Variants in RAB3IL1 observed in about 807,000 individuals in gnomAD.
The protein encoded by RAB3IL1 is guanine nucleotide exchange factor for Rab-3A.
A neutral mutation model predicts 49.2 loss-of-function variants in RAB3IL1; 37 were observed. That is an observed-to-expected ratio of 0.75 (90% CI 0.58 to 0.99). RAB3IL1 has a LOEUF of 0.99. Among genes scored for constraint, RAB3IL1 ranks in the 50% least tolerant of loss-of-function variants. RAB3IL1 has a pLI of 0.00. For missense variants in RAB3IL1, 484 were observed against 513.0 expected (o/e 0.94, Z 0.55); for synonymous variants, 193 against 213.9 (o/e 0.90, Z 0.85).
chr11:61,920,345 C>T (rs1194223915), upstream of RAB3IL1: 4 of 1,010,202 alleles, frequency 4.0e-6, no homozygotes, highest in Non-Finnish European at 1.3e-6. Context: ...CCAGGACAGC[C>T]GCTATCTCCT....
At chr11:61,941,772 G>A in the RAB3IL1 span, among the ~76,000 whole-genome samples, 4 of 151,668 alleles carry the variant, frequency 2.6e-5, no homozygotes, top group East Asian at 3.9e-4. Context: ...AGGAATATAC[G>A]GACCAATATC....
Position 61,898,935 on chromosome 11 carries a change from T to TGG in RAB3IL1, c.1066+377_1066+378dup. 5.6e-6 allele frequency: 2 copies of TGG among 356,760 alleles called. No homozygotes were observed. Among genetic ancestry groups the TGG allele is most frequent in the Admixed American group, 6.6e-5 (2 of 30,142 alleles). The allele number at this position is 356,760 out of a possible 1,614,324, so 22.1% of individuals were successfully genotyped here. A position where few individuals can be genotyped will look rare whatever the true frequency, so the allele number is the denominator to read the frequency against. ...GAGCCAGGCCTTGCAGAATGGGCTGTGGGGGGAGGGGGTGGAGGGAGGCCC... is the reference window on the plus strand; with the variant it reads ...GAGCCAGGCCTTGCAGAATGGGCTGTGGGGGGGGAGGGGGTGGAGGGAGGCCC... On this transcript the variant is annotated intron_variant, in intron 9 of 9. Transcript: ENST00000394836. The surrounding 1 kb of genome is among the most constrained non-coding windows in gnomAD (Gnocchi z 5.1).
rs1939756118 is a variant in RAB3IL1, at chr11:61,917,523, T to C, written c.-156A>G. The C allele has an allele frequency of 8.9e-7, 1 of 1,119,246 alleles. No homozygotes were observed. Among genetic ancestry groups the C allele is most frequent in the East Asian group, 5.1e-5 (1 of 19,472 alleles). The allele number at this position is 1,119,246 out of a possible 1,614,324, so 69.3% of individuals were successfully genotyped here. On this transcript the variant is annotated 5_prime_UTR_variant, in exon 1 of 10. Coordinates refer to ENST00000394836, the MANE Select transcript of RAB3IL1 (RefSeq NM_013401.4). ...GTCAGTAGGTCTCAGACGCCTGGGC[T>C]CGCGGCCCCCAGCCCAGCCCCGACC...
upstream of RAB3IL1, chr11:61,920,040 C>T (rs892444862): frequency 1.6e-6 from 2 of 1,258,574 alleles, no homozygotes; most frequent in Admixed American, 3.8e-5. Flanking sequence ...CCTGAGCTCA[C>T]CTGTCTGTGC....
chr11:61,920,325 G>T (rs1350531557), upstream of RAB3IL1: 15 of 1,147,490 alleles, frequency 1.3e-5, no homozygotes, highest in Non-Finnish European at 1.6e-5. Flanking sequence ...TGGGAGGGAG[G>T]CACCACCTCC....
Position 61,908,137 on chromosome 11 carries a change from C to G in RAB3IL1, c.181G>C (p.Val61Leu). 1 of 1,597,538 alleles carries G rather than the reference C, an allele frequency of 6.3e-7. No homozygotes were observed. Residue 61 changes from valine (V) to leucine (L), a missense_variant, in exon 2 of 10, where the codon GTG (valine) becomes CTG (leucine). By Grantham distance (32) the Val-to-Leu change is conservative. Coordinates refer to ENST00000394836, the MANE Select transcript of RAB3IL1 (RefSeq NM_013401.4). Reference protein sequence around the residue: ...QEGPAAAQLDVLRLRSSSMEI... With the variant: ...QEGPAAAQLDLLRLRSSSMEI... The stretch of plus-strand genomic sequence containing the variant: ...ATGGAAGAGCTGCGCAGGCGCAACA[C>G]GTCCAGCTGGGCGGCTGCGGGGCCC...
Position 61,906,526 on chromosome 11 carries a change from G to C in RAB3IL1, c.597C>G (p.Leu199=). ...HSRHKSTSST[L]CPAVCPAAGH... ...CCGCAGCGGGACACACGGCGGGGCA[G>C]AGGGTGCTGCTGGTGCTCTTGTGGC... The change falls in exon 5 of 10, where the codon CTC becomes CTG. Residue 199 remains leucine (L), a synonymous_variant. Transcript: ENST00000394836. This position sits in a 1 kb window ranked among gnomAD's most constrained non-coding sequence, Gnocchi z 4.6. 6.4e-7 allele frequency: 1 copy of C among 1,561,478 alleles called. No individual in the cohort carries two copies. The highest frequency in any genetic ancestry group is 8.7e-7 in the Non-Finnish European group (1 of 1,154,108).
chr11:61,928,112 C>T, the RAB3IL1 span, among the ~76,000 whole-genome samples: 1 of 151,602 alleles, frequency 6.6e-6, no homozygotes, highest in East Asian at 1.9e-4. Context: ...AGAATTTCTG[C>T]TCCTTAGGGA....
At chr11:61,911,809 T>C (rs765067063) in intron 1 of RAB3IL1, among the ~76,000 whole-genome samples, 3 of 152,008 alleles carry the variant, frequency 2.0e-5, no homozygotes, top group Non-Finnish European at 2.9e-5. Context: ...CCCAGGCAGT[T>C]CATACAGGAA....
At chr11:61,922,603 C>T (rs1021082174), upstream of RAB3IL1, among the ~76,000 whole-genome samples, 3 of 126,238 alleles carry the variant, frequency 2.4e-5, no homozygotes, top group African/African-American at 8.0e-5. Context: ...TTCCTTCCTT[C>T]AGTGTTTCCT....
the RAB3IL1 span, among the ~76,000 whole-genome samples, chr11:61,931,848 G>A: frequency 6.6e-6 from 1 of 152,324 alleles, no homozygotes; most frequent in East Asian, 1.9e-4. Context: ...GGAAGACACA[G>A]TTGAGGGAAT....
chr11:61,912,818 C>T (rs1323292139), intron 1 of RAB3IL1, among the ~76,000 whole-genome samples: 3 of 151,740 alleles, frequency 2.0e-5, no homozygotes, highest in Non-Finnish European at 4.4e-5. Flanking sequence ...GAATGCTGTA[C>T]AGCCAGGCAG....
chr11:61,907,996 G>A, intron 2 of RAB3IL1, 58 bp downstream of exon 2: 1 of 1,550,926 alleles, frequency 6.4e-7, no homozygotes, highest in Non-Finnish European at 8.7e-7. Context: ...AGAGCCCACA[G>A]CTCTCCCAAC....
the RAB3IL1 span, among the ~76,000 whole-genome samples, chr11:61,939,737 G>C: frequency 6.6e-6 from 1 of 152,018 alleles, no homozygotes; most frequent in African/African-American, 2.4e-5. Flanking sequence ...AATTGTTTGA[G>C]CTCAGGAGTT....
At chr11:61,940,737 T>C in the RAB3IL1 span, among the ~76,000 whole-genome samples, 1 of 151,790 alleles carries the variant, frequency 6.6e-6, no homozygotes, top group African/African-American at 2.4e-5. Context: ...CTGGGCAACA[T>C]GGTGAATCCT....
the RAB3IL1 span, among the ~76,000 whole-genome samples, chr11:61,935,267 A>C: frequency 6.6e-6 from 1 of 151,828 alleles, no homozygotes; most frequent in Non-Finnish European, 1.5e-5. Flanking sequence ...TAAAAATACA[A>C]AAATTAGCTG....
At chr11:61,934,319 T>TACACACACACACACACAC in the RAB3IL1 span, among the ~76,000 whole-genome samples, 24 of 126,560 alleles carry the variant, frequency 1.9e-4, no homozygotes, top group African/African-American at 6.1e-4. Context: ...TGAGTAAATA[T>TACACACACACACACACAC]ACACACACAC....
intron 1 of RAB3IL1, among the ~76,000 whole-genome samples, chr11:61,914,137 G>T (rs1408914071): frequency 6.6e-6 from 1 of 152,174 alleles, no homozygotes; most frequent in African/African-American, 2.4e-5. Flanking sequence ...CTGTGACTTG[G>T]GCCTTACAGG....
At position 61,907,655 on chromosome 11, in the gene RAB3IL1, C is replaced by T; in HGVS notation, c.270G>A (p.Leu90=). 6.2e-7 allele frequency: 1 copy of T among 1,614,062 alleles called. No individual in the cohort carries two copies. Among genetic ancestry groups the T allele is most frequent in the Non-Finnish European group, 8.5e-7 (1 of 1,179,992 alleles). ...GCTCACATTCCTCGTCCTTTAGCTT[C>T]AGCTCCTGGAGGAAAAGAGGCAGGC... ...KEELHRAQKE[L]KLKDEECERL... is the part of the protein sequence containing the mutation. The change falls in exon 3 of 10, where the codon CTG becomes CTA. Residue 90 remains leucine, a synonymous_variant. Transcript: ENST00000394836.
Sources: gnomAD v4.1 joint callset for allele counts (sites outside exome capture counted in the v4.1 genomes callset) on GRCh38, gnomAD v4.1.1 for gene constraint, Gnocchi (gnomAD v3.1) non-coding constraint, MANE v1.5 for transcripts, NCBI Gene and HGNC (gene_info 2026-07-23, HGNC 2026-07-21) for gene names.